Variants in PODNL1 observed in about 807,000 individuals in gnomAD.
PODNL1 encodes podocan like 1.
PODNL1 carries 50 observed loss-of-function variants against 45.1 expected under a neutral mutation model. The observed-to-expected ratio is 1.11, with a 90% CI of 0.88 to 1.40. PODNL1 has a LOEUF of 1.40. Ranked by LOEUF, PODNL1 falls within the 40% of genes most tolerant of loss-of-function variation. The pLI is 0.00. For missense variants in PODNL1, 788 were observed against 793.3 expected, an observed-to-expected ratio of 0.99 and a Z score of 0.08; for synonymous variants, 406 against 372.5, an observed-to-expected ratio of 1.09 and a Z score of -1.04.
intron 8 of PODNL1, 166 bp downstream of exon 8, chr19:13,932,632 A>C: frequency 6.6e-7 from 1 of 1,519,146 alleles, no homozygotes; most frequent in Admixed American, 2.0e-5. Context: ...CTGGGATTAC[A>C]GGCATGAGCC....
chr19:13,937,915 A>T lies in PODNL1; in HGVS notation c.95T>A (p.Leu32Ter). 6.4e-7 allele frequency: 1 copy of T among 1,559,802 alleles called. No homozygotes were observed. The highest frequency in any genetic ancestry group is 8.7e-7 in the Non-Finnish European group (1 of 1,152,118). Reference sequence around the variant, plus strand: ...GGGACAGGCCCGGGGCAGGGGCTGCAAGCTCTCCCCCAGGTGGGGGAAGGC... The same window carrying T: ...GGGACAGGCCCGGGGCAGGGGCTGCTAGCTCTCCCCCAGGTGGGGGAAGGC... ...DAAFPHLGES[L>*]QPLPRACPLR... The change falls in exon 2 of 10, where the codon TTG becomes TAG. Residue 32 changes from leucine to a stop codon, truncating the protein, a stop_gained. Coordinates refer to ENST00000588872, the MANE Select transcript of PODNL1 (RefSeq NM_001370095.3). LOFTEE classifies it high-confidence loss of function.
chr19:13,943,384 G>T (rs553600498), upstream of PODNL1, among the ~76,000 whole-genome samples: 1 of 152,222 alleles, frequency 6.6e-6, no homozygotes, highest in South Asian at 2.1e-4. Flanking sequence ...GTGTTTCCTG[G>T]CTTGTGGCTG....
intron 1 of PODNL1, 40 bp from the exon 2 acceptor site, chr19:13,938,046 G>T (rs562796587): frequency 6.9e-7 from 1 of 1,455,532 alleles, no homozygotes; most frequent in East Asian, 2.5e-5. Context: ...CAGGCTGGGC[G>T]CAGGGTCGCC....
intron 1 of PODNL1, among the ~76,000 whole-genome samples, chr19:13,948,698 A>G (rs1403794845): frequency 6.9e-6 from 1 of 145,938 alleles, no homozygotes; most frequent in Non-Finnish European, 1.5e-5. Flanking sequence ...TGGGAAGCCA[A>G]GGTGGGAGGA....
At chr19:13,937,523 C>A (rs1321445035) in intron 2 of PODNL1, among the ~76,000 whole-genome samples, 1 of 151,354 alleles carries the variant, frequency 6.6e-6, no homozygotes, top group Non-Finnish European at 1.5e-5. Flanking sequence ...CCAAACAACA[C>A]TATAACCGCC....
rs746111010 is a variant in PODNL1 at position 13,933,376 on chromosome 19, C to T, written c.847G>A (p.Ala283Thr). ...CGGTTGCGGCCCAGGTGCAGGATAG[C>T]CAGGGTCCGGGGCAGGCCGGCGGGC... ...TVPAGLPRTL[A>T]ILHLGRNRIR... Residue 283 changes from alanine (A) to threonine (T), a missense_variant, in exon 8 of 10, where the codon GCT becomes ACT. Transcript: ENST00000588872. The surrounding 1 kb of genome is among the most constrained non-coding windows in gnomAD (Gnocchi z 5.2). 4 of 1,608,046 alleles carry T rather than the reference C, an allele frequency of 2.5e-6. No homozygotes were observed. In the African/African-American group the frequency reaches 4.0e-5, roughly 16 times the overall value.
At chr19:13,938,150 C>A (rs1476127451) in intron 1 of PODNL1, 29 bp downstream of exon 1, 1 of 1,587,708 alleles carries the variant, frequency 6.3e-7, no homozygotes, top group Non-Finnish European at 8.6e-7. Context: ...GCAGGCCCCA[C>A]CCTCAGACCC....
In PODNL1 at chr19:13,931,658, C is replaced by T; in HGVS notation, c.*79G>A. 1 of 1,223,770 alleles carries T rather than the reference C, an allele frequency of 8.2e-7. No individual in the cohort carries two copies. Among genetic ancestry groups the T allele is most frequent in the East Asian group, 3.2e-5 (1 of 31,666 alleles). 75.8% of individuals were successfully genotyped at this position (1,223,770 alleles called of 1,614,324 possible). A position where few individuals can be genotyped will look rare whatever the true frequency, so the allele number is the denominator to read the frequency against. On this transcript the variant is annotated 3_prime_UTR_variant, in exon 10 of 10. Transcript: ENST00000588872. Reference sequence around the variant, plus strand: ...GCCCAGGAGAGCCAGACCAAGGGCCCCTGGTGGGCGTTGTCTCCTCAGTCC... The same window carrying T: ...GCCCAGGAGAGCCAGACCAAGGGCCTCTGGTGGGCGTTGTCTCCTCAGTCC...
Position 13,938,012 on chromosome 19 carries a change from GGGGA to G in PODNL1, c.4-10_4-7del. 6.6e-7 allele frequency: 1 copy of G among 1,509,946 alleles called. No homozygotes were observed. Among genetic ancestry groups the G allele is most frequent in the Non-Finnish European group, 8.9e-7 (1 of 1,118,950 alleles). The allele number at this position is 1,509,946 out of a possible 1,614,324, so 93.5% of individuals were successfully genotyped here. A position where few individuals can be genotyped will look rare whatever the true frequency, so the allele number is the denominator to read the frequency against. On this transcript the variant is annotated splice_region_variant and splice_polypyrimidine_tract_variant and intron_variant, in intron 1 of 9. Transcript: ENST00000588872. ...AGCAGCAGCAGGCTCGGCCACTGCG[GGGGA>G]GGGAGGGTCAGCGTGTCTCCAGGCT...
Position 13,944,154 on chromosome 19 carries a change from A to T in PODNL1, c.19-6148T>A, listed in dbSNP as rs550003153. Among the ~76,000 whole-genome samples the T allele has an allele frequency of 2.9e-3, 436 of 152,082 alleles. 3 individuals are homozygous for T. Among genetic ancestry groups the T allele is most frequent in the African/African-American group, 0.01 (418 of 41,492 alleles). On this transcript the variant is annotated intron_variant, in intron 1 of 7. Transcript: ENST00000538371. Reference sequence around the variant, plus strand: ...CTGTTTTTGTTTTGTTTTATTTATTAAATTAATTAATTAATTAATTTTTTT... The same window carrying T: ...CTGTTTTTGTTTTGTTTTATTTATTTAATTAATTAATTAATTAATTTTTTT...
chr19:13,933,449 C>A lies in PODNL1; in HGVS notation c.774G>T (p.Leu258=), dbSNP rs751522801. 29 of 1,563,352 alleles carry A rather than the reference C, an allele frequency of 1.9e-5. No individual in the cohort carries two copies. In the Admixed American group the frequency reaches 4.1e-4, roughly 22 times the overall value. Residue 258 remains leucine, a synonymous_variant, in exon 8 of 10, where the codon CTG becomes CTT. Coordinates refer to ENST00000588872, the MANE Select transcript of PODNL1 (RefSeq NM_001370095.3). This position sits in a 1 kb window ranked among gnomAD's most constrained non-coding sequence, Gnocchi z 5.2. ...AGAGATCCAGGTATTCAAGGCTATG[C>A]AGCTTGCTGGAAGGAGAGAGGGTCG... ...SGLDATTFSK[L]HSLEYLDLSH... is the part of the protein sequence containing the mutation.
In PODNL1 at chr19:13,938,185, C is replaced by T. The variant is rs1486500614; in HGVS notation, c.-4G>A. The T allele has an allele frequency of 1.9e-6, 3 of 1,608,072 alleles. No individual in the cohort carries two copies. The highest frequency in any genetic ancestry group is 2.5e-6 in the Non-Finnish European group (3 of 1,177,694). The stretch of plus-strand genomic sequence containing the variant: ...CTCCCGTGCCCCACCTTACCATGGC[C>T]AGCCCTGACTCTGCCATCTCGCCCA... On this transcript the variant is annotated 5_prime_UTR_variant, in exon 1 of 10. Coordinates refer to ENST00000588872, the MANE Select transcript of PODNL1 (RefSeq NM_001370095.3).
upstream of PODNL1, among the ~76,000 whole-genome samples, chr19:13,940,570 C>CAAAA (rs759568554): frequency 6.8e-3 from 562 of 83,132 alleles, 6 homozygotes; most frequent in Middle Eastern, 0.019. Context: ...GACTCCGTCT[C>CAAAA]AAAAAAAAAA....
intron 1 of PODNL1, among the ~76,000 whole-genome samples, chr19:13,945,108 C>T (rs752115309): frequency 2.0e-5 from 3 of 151,950 alleles, no homozygotes; most frequent in Non-Finnish European, 2.9e-5. Context: ...GACAGGAGCT[C>T]GCTATGTTTC....
intron 1 of PODNL1, among the ~76,000 whole-genome samples, chr19:13,947,170 GAAAAAAAAAAAAAAAA>G (rs758733245): frequency 0.03 from 805 of 27,136 alleles, 26 homozygotes; most frequent in African/African-American, 0.098. Context: ...CTCCATCTCA[GAAAAAAAAAAAAAAAA>G]AAAAAAAAAA....
chr19:13,938,019 G>T lies in PODNL1; in HGVS notation c.4-13C>A. ...GCAGGCTCGGCCACTGCGGGGGAGG[G>T]AGGGTCAGCGTGTCTCCAGGCTGGG... On this transcript the variant is annotated splice_polypyrimidine_tract_variant and intron_variant, in intron 1 of 9. Transcript: ENST00000588872. The T allele has an allele frequency of 6.7e-7, 1 of 1,499,994 alleles. No individual in the cohort carries two copies. Among genetic ancestry groups the T allele is most frequent in the Non-Finnish European group, 9.0e-7 (1 of 1,112,062 alleles). The allele number at this position is 1,499,994 out of a possible 1,614,324, so 92.9% of individuals were successfully genotyped here.
chr19:13,934,527 G>A (rs900430349), intron 5 of PODNL1, 117 bp from the exon 6 acceptor site: 12 of 992,234 alleles, frequency 1.2e-5, no homozygotes, highest in African/African-American at 1.8e-5. Context: ...GTGTGTGTGT[G>A]CGCGCGCATG....
rs1040722051 is a variant in PODNL1 at position 13,953,116 on chromosome 19, T to G, written c.18+3A>C. 12 of 1,550,050 alleles carry G rather than the reference T, an allele frequency of 7.7e-6. No homozygotes were observed. The African/African-American group carries it at 1.5e-4, about 19-fold the overall frequency. On this transcript the variant is annotated splice_donor_region_variant and intron_variant, in intron 1 of 7. Transcript: ENST00000538371. ...ACCACACATGAGCTGGGAGTTCCAG[T>G]ACCTGGGTGGGCCTCCCCATTGAAA...
chr19:13,932,861 C>CGACATCATCAT lies in PODNL1; in HGVS notation c.1361_1362insATGATGATGTC (p.His455Ter). ...TGTCGCCGACCCGGAGCCGGTTGTGCGCCAGGCTGAGCTCCCGCAGTTGGT... is the reference window on the plus strand; with the variant it reads ...TGTCGCCGACCCGGAGCCGGTTGTGCGACATCATCATGCCAGGCTGAGCTCCCGCAGTTGGT... On this transcript the variant is annotated stop_gained and frameshift_variant, in exon 8 of 10. Transcript: ENST00000588872. LOFTEE classifies it high-confidence loss of function. 1 of 1,610,936 alleles carries CGACATCATCAT rather than the reference C, an allele frequency of 6.2e-7. No homozygotes were observed. Among genetic ancestry groups the CGACATCATCAT allele is most frequent in the Non-Finnish European group, 8.5e-7 (1 of 1,179,148 alleles).
Sources: gnomAD v4.1 joint callset for allele counts (sites outside exome capture counted in the v4.1 genomes callset) on GRCh38, gnomAD v4.1.1 for gene constraint, Gnocchi (gnomAD v3.1) non-coding constraint, MANE v1.5 for transcripts, NCBI Gene and HGNC (gene_info 2026-07-23, HGNC 2026-07-21) for gene names.